Variants in NLRC4 observed in about 807,000 individuals in gnomAD.
The protein encoded by NLRC4 is NLR family CARD domain containing 4.
Under a neutral mutation model 79.9 loss-of-function variants are expected in NLRC4, and 63 were observed. The ratio of observed to expected loss-of-function variants is 0.79; its 90% confidence interval spans 0.64 to 0.97. The LOEUF (loss-of-function observed/expected upper bound fraction) is 0.97. Among genes scored for constraint, NLRC4 ranks in the 50% least tolerant of loss-of-function variants. The probability of loss-of-function intolerance (pLI) is 0.00; values close to 1 mark genes in which losing one functional copy is unlikely to be tolerated. For missense variants in NLRC4, 1,074 were observed against 1,215.2 expected (o/e 0.88, Z 1.73); for synonymous variants, 461 against 456.5 (o/e 1.01, Z -0.12).
At chr2:32,226,978 C>T (rs754645056) in intron 8 of NLRC4, among the ~76,000 whole-genome samples, 3 of 152,090 alleles carry the variant, frequency 2.0e-5, no homozygotes, top group Non-Finnish European at 4.4e-5. Context: ...GGCATATGGC[C>T]ACTCATATCC....
intron 8 of NLRC4, 41 bp from the exon 9 acceptor site, chr2:32,224,806 TTTTTAAA>T: frequency 3.4e-6 from 1 of 292,030 alleles, no homozygotes; most frequent in Non-Finnish European, 4.8e-6. Flanking sequence ...AGAAAAATTT[TTTTTAAA>T]AAAAAAGAGA....
chr2:32,251,533 T>A lies in NLRC4; in HGVS notation c.331A>T (p.Thr111Ser), dbSNP rs1433504290. ...LAQDLKDLYH[T>S]PSFLNFYPLG... ...GGATAAAAGTTCAGAAAAGATGGGG[T>A]ATGGTACAAGTCCTTTAAATCCTGA... The change falls in exon 4 of 9, where the codon ACC becomes TCC. Residue 111 changes from threonine to serine, a missense_variant. Transcript: ENST00000402280. The A allele has an allele frequency of 6.2e-7, 1 of 1,613,884 alleles. No homozygotes were observed. The highest frequency in any genetic ancestry group is 8.5e-7 in the Non-Finnish European group (1 of 1,179,826).
intron 4 of NLRC4, 133 bp from the exon 5 acceptor site, chr2:32,241,258 A>G: frequency 1.6e-6 from 1 of 628,196 alleles, no homozygotes; most frequent in Non-Finnish European, 2.8e-6. Flanking sequence ...CTCATGAAAT[A>G]GACATAAAAA....
chr2:32,246,368 C>G (rs969118980), intron 4 of NLRC4, among the ~76,000 whole-genome samples: 1 of 152,136 alleles, frequency 6.6e-6, no homozygotes, highest in Non-Finnish European at 1.5e-5. Flanking sequence ...ATACAGTCTT[C>G]GTGACACCCA....
intron 1 of NLRC4, among the ~76,000 whole-genome samples, chr2:32,260,231 AAAC>A (rs1687311446): frequency 6.6e-6 from 1 of 151,256 alleles, no homozygotes; most frequent in African/African-American, 2.4e-5. Context: ...AAAAAAAAAA[AAAC>A]AACGAAAAAA....
Position 32,249,588 on chromosome 2 carries a change from C to G in NLRC4, c.2257+19G>C. Reference sequence around the variant, plus strand: ...TTTTTTTAAGTGAACAAAGCACAAACCACTGATATTTACAATACCCGGCAG... The same window carrying G: ...TTTTTTTAAGTGAACAAAGCACAAAGCACTGATATTTACAATACCCGGCAG... On this transcript the variant is annotated intron_variant, in intron 4 of 8. Transcript: ENST00000402280. The G allele has an allele frequency of 2.0e-6, 3 of 1,532,696 alleles. No homozygotes were observed. The African/African-American group carries it at 4.2e-5, about 21-fold the overall frequency. 94.9% of individuals were successfully genotyped at this position (1,532,696 alleles called of 1,614,324 possible). A position where few individuals can be genotyped will look rare whatever the true frequency, so the allele number is the denominator to read the frequency against.
rs377598604 is a variant in NLRC4, at chr2:32,238,348, G to T, written c.2351-46C>A. The T allele has an allele frequency of 4.0e-6, 6 of 1,482,410 alleles. No homozygotes were observed. In the South Asian group the frequency reaches 4.7e-5, roughly 12 times the overall value. The allele number at this position is 1,482,410 out of a possible 1,614,324, so 91.8% of individuals were successfully genotyped here. ...ATGCATTAGGATACCAAGTTAATTC[G>T]ATTTAAGCATAGATTAATGAACTGA... On this transcript the variant is annotated intron_variant, in intron 5 of 8. Coordinates refer to ENST00000402280, the MANE Select transcript of NLRC4 (RefSeq NM_001199138.2).
rs1687098354 is a variant in NLRC4 at position 32,252,402 on chromosome 2, A to G, written c.262+17T>C. On this transcript the variant is annotated intron_variant, in intron 3 of 8. Coordinates refer to ENST00000402280, the MANE Select transcript of NLRC4 (RefSeq NM_001199138.2). ...ATTCTACTTGCAGAAACAGATGCAA[A>G]ACTAACTGATACTTACTTTGTCCAT... 6.3e-7 allele frequency: 1 copy of G among 1,589,144 alleles called. No homozygotes were observed. Among genetic ancestry groups the G allele is most frequent in the Admixed American group, 1.7e-5 (1 of 59,834 alleles).
intron 1 of NLRC4, among the ~76,000 whole-genome samples, chr2:32,261,683 A>T (rs1186229666): frequency 6.6e-6 from 1 of 152,084 alleles, no homozygotes. Flanking sequence ...AACGAACATC[A>T]GGTATTTACC....
chr2:32,236,232 A>C lies in NLRC4; in HGVS notation c.2614+15T>G, dbSNP rs530696804. The C allele has an allele frequency of 6.1e-5, 94 of 1,539,974 alleles. No homozygotes were observed. The South Asian group carries it at 9.7e-4, about 16-fold the overall frequency. On this transcript the variant is annotated intron_variant, in intron 7 of 8. Coordinates refer to ENST00000402280, the MANE Select transcript of NLRC4 (RefSeq NM_001199138.2). ...ATATTCAAGTATCTAATTTTGGCTG[A>C]ATTGTCATTCTTACTCAGTTCATGA...
chr2:32,264,876 A>C lies in NLRC4; in HGVS notation c.-257T>G, dbSNP rs1047848678. ...ATACCTTCTTGTTCTGTGAGAGGAC[A>C]GTGTACAGAGAGGGGAACTGCTGAG... On this transcript the variant is annotated 5_prime_UTR_variant, in exon 1 of 9. Coordinates refer to ENST00000402280, the MANE Select transcript of NLRC4 (RefSeq NM_001199138.2). The C allele has an allele frequency of 6.6e-6, 1 of 151,862 alleles. No homozygotes were observed. 9.4% of individuals were successfully genotyped at this position (151,862 alleles called of 1,614,324 possible).
chr2:32,226,035 C>G (rs1249357691), intron 8 of NLRC4, among the ~76,000 whole-genome samples: 2 of 152,080 alleles, frequency 1.3e-5, no homozygotes, highest in East Asian at 3.9e-4. Flanking sequence ...GAGAAGACCA[C>G]TAAAGAGTTC....
At chr2:32,228,078 T>C (rs529396214) in intron 8 of NLRC4, among the ~76,000 whole-genome samples, 1 of 152,306 alleles carries the variant, frequency 6.6e-6, no homozygotes, top group Admixed American at 6.5e-5. Context: ...TGCTGCGGAT[T>C]ATGCTGGGTG....
At chr2:32,258,114 G>A (rs555117537) in intron 1 of NLRC4, among the ~76,000 whole-genome samples, 1 of 152,270 alleles carries the variant, frequency 6.6e-6, no homozygotes, top group African/African-American at 2.4e-5. Context: ...GGGGTAGCCA[G>A]AAGGGAGATG....
intron 5 of NLRC4, among the ~76,000 whole-genome samples, chr2:32,240,233 G>A (rs963581030): frequency 6.6e-6 from 1 of 151,898 alleles, no homozygotes; most frequent in African/African-American, 2.4e-5. Flanking sequence ...CATCTGCCTC[G>A]GCCTCCCAGA....
chr2:32,232,121 A>G (rs1004036396), intron 8 of NLRC4, among the ~76,000 whole-genome samples: 1 of 152,070 alleles, frequency 6.6e-6, no homozygotes, highest in Admixed American at 6.5e-5. Context: ...GTAAAGTACT[A>G]TTTTCGTCAT....
chr2:32,257,343 C>A (rs545674998), intron 1 of NLRC4, among the ~76,000 whole-genome samples: 1 of 152,304 alleles, frequency 6.6e-6, no homozygotes, highest in East Asian at 1.9e-4. Context: ...CGCGGTGGCT[C>A]ACGCCTGTAA....
Position 32,250,240 on chromosome 2 carries a change from C to T in NLRC4, c.1624G>A (p.Glu542Lys), listed in dbSNP as rs760757972. Residue 542 changes from glutamate (E) to lysine (K), a missense_variant, in exon 4 of 9, where the codon GAG becomes AAG. Coordinates refer to ENST00000402280, the MANE Select transcript of NLRC4 (RefSeq NM_001199138.2). The surrounding 1 kb of genome is among the most constrained non-coding windows in gnomAD (Gnocchi z 4.9). ...TTTATGGCTTTCAGAATTTCTTGCT[C>T]AGTGGTGTTTTTCACACTTTGCAAA... The part of the protein sequence containing the change: ...ESLQSVKNTT[E>K]QEILKAININ... 12 of 1,614,176 alleles carry T rather than the reference C, an allele frequency of 7.4e-6. No individual in the cohort carries two copies. In the African/African-American group the frequency reaches 9.3e-5, roughly 13 times the overall value.
At chr2:32,241,290 G>T (rs544274499) in intron 4 of NLRC4, among the ~76,000 whole-genome samples, 165 bp from the exon 5 acceptor site, 9 of 151,292 alleles carry the variant, frequency 5.9e-5, no homozygotes, top group African/African-American at 2.2e-4. Flanking sequence ...TAAGAGATGG[G>T]CATTATACTT....
Sources: gnomAD v4.1 joint callset for allele counts (sites outside exome capture counted in the v4.1 genomes callset) on GRCh38, gnomAD v4.1.1 for gene constraint, Gnocchi (gnomAD v3.1) non-coding constraint, MANE v1.5 for transcripts, NCBI Gene and HGNC (gene_info 2026-07-23, HGNC 2026-07-21) for gene names.